HHIP: variants seen among roughly 807,000 people sequenced by gnomAD.
HHIP encodes hedgehog-interacting protein.
In HHIP, 12 loss-of-function variants were observed where a neutral mutation model predicts 74.0. The observed-to-expected ratio is 0.16, with a 90% CI of 0.10 to 0.26. The LOEUF is 0.26. HHIP is among the 10% of genes least tolerant of loss of function. HHIP has a pLI of 1.00. For synonymous variants in HHIP, 309 were observed against 311.6 expected (o/e 0.99, Z 0.09); for missense variants, 788 against 845.0 (o/e 0.93, Z 0.84).
At position 144,646,484 on chromosome 4, in the gene HHIP, C is replaced by T. The variant is rs1350185781; in HGVS notation, c.-192C>T. ...CCTCGGGCTCCCCTAAGGCATTGGA[C>T]CCATCGCCGCGTCTTTTATTTTTTG... is the stretch of plus-strand genomic sequence containing the variant. On this transcript the variant is annotated 5_prime_UTR_variant, in exon 1 of 13. Coordinates refer to ENST00000296575, the MANE Select transcript of HHIP (RefSeq NM_022475.3). 1.7e-6 allele frequency: 1 copy of T among 588,306 alleles called. No individual in the cohort carries two copies. The highest frequency in any genetic ancestry group is 1.9e-5 in the African/African-American group (1 of 53,764). The allele number at this position is 588,306 out of a possible 1,614,324, so 36.4% of individuals were successfully genotyped here.
chr4:144,688,744 A>T (rs1169094351), intron 4 of HHIP, among the ~76,000 whole-genome samples: 1 of 152,198 alleles, frequency 6.6e-6, no homozygotes, highest in African/African-American at 2.4e-5. Flanking sequence ...TGGATAAATG[A>T]GGAAATCCAT....
At chr4:144,712,912 G>A (rs1459440068) in intron 8 of HHIP, among the ~76,000 whole-genome samples, 6 of 147,276 alleles carry the variant, frequency 4.1e-5, no homozygotes, top group African/African-American at 1.0e-4. Context: ...GTGTGTGCAC[G>A]CGCATCTTTT....
intron 1 of HHIP, among the ~76,000 whole-genome samples, chr4:144,649,638 A>C (rs1430879005): frequency 6.6e-6 from 1 of 152,174 alleles, no homozygotes; most frequent in Admixed American, 6.5e-5. Context: ...CAACCAACTG[A>C]AATACCCTCA....
Position 144,739,492 on chromosome 4 carries a change from A to G in HHIP, c.*1535A>G, listed in dbSNP as rs1227313583. 2 of 152,236 alleles carry G rather than the reference A, an allele frequency of 1.3e-5. No homozygotes were observed. The highest frequency in any genetic ancestry group is 2.9e-5 in the Non-Finnish European group (2 of 68,038). The allele number at this position is 152,236 out of a possible 1,614,324, so 9.4% of individuals were successfully genotyped here. On this transcript the variant is annotated 3_prime_UTR_variant, in exon 13 of 13. Coordinates refer to ENST00000296575, the MANE Select transcript of HHIP (RefSeq NM_022475.3). ...AGGAATACAAGCCTCAATTTAAAAA[A>G]TATATTGTAGCTAGTATTTCTCTAT...
intron 1 of HHIP, among the ~76,000 whole-genome samples, chr4:144,648,988 T>C (rs940015351): frequency 6.6e-6 from 1 of 152,160 alleles, no homozygotes; most frequent in Non-Finnish European, 1.5e-5. Context: ...TTACAAGAGG[T>C]TTATAAATCA....
intron 4 of HHIP, among the ~76,000 whole-genome samples, chr4:144,696,275 C>CTT (rs144675558): frequency 1.3e-5 from 2 of 149,196 alleles, no homozygotes; most frequent in African/African-American, 4.9e-5. Flanking sequence ...ATCTGCACCT[C>CTT]TTTTTTTTTT....
At chr4:144,671,587 A>G (rs1248192649) in intron 4 of HHIP, among the ~76,000 whole-genome samples, 1 of 152,222 alleles carries the variant, frequency 6.6e-6, no homozygotes, top group Non-Finnish European at 1.5e-5. Context: ...ATCATGGCAT[A>G]GCCATATCAC....
At chr4:144,718,816 T>C (rs1730544238) in intron 10 of HHIP, 59 bp from the exon 11 acceptor site, 1 of 959,408 alleles carries the variant, frequency 1.0e-6, no homozygotes, top group East Asian at 2.4e-5. Flanking sequence ...TGCCAGGCAA[T>C]AGGAAGTAAG....
chr4:144,682,453 A>T (rs1729373094), intron 4 of HHIP, among the ~76,000 whole-genome samples: 1 of 152,230 alleles, frequency 6.6e-6, no homozygotes, highest in East Asian at 1.9e-4. Flanking sequence ...TATCAAAGTA[A>T]AAGAGTATTT....
At chr4:144,647,111 T>A in intron 1 of HHIP, 157 bp downstream of exon 1, 1 of 625,116 alleles carries the variant, frequency 1.6e-6, no homozygotes, top group South Asian at 2.4e-5. Context: ...TTCCGTTGTG[T>A]GTTCCTCTGG....
At position 144,734,798 on chromosome 4, in the gene HHIP, A is replaced by G; in HGVS notation, c.1818A>G (p.Ser606=). 2 of 1,612,634 alleles carry G rather than the reference A, an allele frequency of 1.2e-6. No individual in the cohort carries two copies. Among genetic ancestry groups the G allele is most frequent in the Non-Finnish European group, 1.7e-6 (2 of 1,178,954 alleles). ...TACAACCTGCACAGACACTGACTTC[A>G]GAGTGCTCCAGGCTCTGTCGAAACG... ...ATVQPAQTLT[S]ECSRLCRNGY... is the part of the protein sequence containing the mutation. The change falls in exon 12 of 13, where the codon TCA becomes TCG. Residue 606 remains serine (S), a synonymous_variant. Transcript: ENST00000296575.
At chr4:144,718,841 T>C (rs1259050005) in intron 10 of HHIP, 34 bp from the exon 11 acceptor site, 2 of 1,335,200 alleles carry the variant, frequency 1.5e-6, no homozygotes, top group Admixed American at 3.4e-5. Flanking sequence ...TCTACTGCTA[T>C]AAATTTGCTT....
Position 144,743,124 on chromosome 4 carries a change from T to G in HHIP, c.*5167T>G, listed in dbSNP as rs1235280888. On this transcript the variant is annotated 3_prime_UTR_variant, in exon 13 of 13. Transcript: ENST00000296575. ...CTTCAATCCTTCTTTCTCTTAACTA[T>G]CTTCTCTGAATAAGTTCTGGACTTC... is the stretch of plus-strand genomic sequence containing the variant. The G allele has an allele frequency of 6.7e-6, 1 of 148,934 alleles. No individual in the cohort carries two copies. The highest frequency in any genetic ancestry group is 2.0e-4 in the East Asian group (1 of 5,128). 9.2% of individuals were successfully genotyped at this position (148,934 alleles called of 1,614,324 possible).
At chr4:144,680,789 A>G (rs1022841212) in intron 4 of HHIP, among the ~76,000 whole-genome samples, 1 of 152,232 alleles carries the variant, frequency 6.6e-6, no homozygotes, top group Non-Finnish European at 1.5e-5. Flanking sequence ...AAAGAGAGAA[A>G]GATAGAAGGA....
rs77881363 is a variant in HHIP at position 144,730,585 on chromosome 4, C to T, written c.1761-4156C>T. Among the ~76,000 whole-genome samples, 736 of 152,148 alleles carry T rather than the reference C, an allele frequency of 4.8e-3. 10 individuals carry two copies. The highest frequency in any genetic ancestry group is 0.017 in the African/African-American group (694 of 41,526). ...TTATTAGATCGTACATTAAAGCACCCAATTTTCCAGTCCAATAAAATTAAG... is the reference window on the plus strand; with the variant it reads ...TTATTAGATCGTACATTAAAGCACCTAATTTTCCAGTCCAATAAAATTAAG... On this transcript the variant is annotated intron_variant, in intron 11 of 12. Transcript: ENST00000296575.
rs1165329418 is a variant in HHIP, at chr4:144,740,057, G to A, written c.*2100G>A. ...TCTAATTGTCCCTTATTCAACGTGG[G>A]TGACATTAACAAAATGTGAACTTCT... On this transcript the variant is annotated 3_prime_UTR_variant, in exon 13 of 13. Transcript: ENST00000296575. The A allele has an allele frequency of 1.3e-5, 2 of 152,082 alleles. No individual in the cohort carries two copies. The highest frequency in any genetic ancestry group is 2.9e-5 in the Non-Finnish European group (2 of 68,018). 9.4% of individuals were successfully genotyped at this position (152,082 alleles called of 1,614,324 possible). A position where few individuals can be genotyped will look rare whatever the true frequency, so the allele number is the denominator to read the frequency against.
At position 144,652,728 on chromosome 4, in the gene HHIP, C is replaced by G. The variant is rs1728456259; in HGVS notation, c.403C>G (p.Leu135Val). ...TGAGAGAGAAGTCTTGGAAAGAGAC[C>G]TAGTACTTCCTCTGCTCTGCAAAGA... The part of the protein sequence containing the change: ...SPEREVLERD[L>V]VLPLLCKDYC... Residue 135 changes from leucine (L) to valine (V), a missense_variant, in exon 2 of 13, where the codon CTA becomes GTA. Leu to Val is a conservative substitution (Grantham distance 32). This residue lies in a region of HHIP where 373 missense variants were observed against 366.4 expected (regional missense o/e 1.02). Transcript: ENST00000296575. 6.2e-7 allele frequency: 1 copy of G among 1,612,728 alleles called. No individual in the cohort carries two copies. The highest frequency in any genetic ancestry group is 1.7e-5 in the Admixed American group (1 of 59,906).
chr4:144,713,854 A>G (rs941865446), intron 8 of HHIP, among the ~76,000 whole-genome samples: 2 of 152,162 alleles, frequency 1.3e-5, no homozygotes, highest in African/African-American at 4.8e-5. Context: ...ATGCAGAAGC[A>G]TTTCTACACA....
At chr4:144,722,708 G>T (rs1000107109) in intron 11 of HHIP, among the ~76,000 whole-genome samples, 2 of 152,086 alleles carry the variant, frequency 1.3e-5, no homozygotes, top group Non-Finnish European at 1.5e-5. Flanking sequence ...CAAAAAATTA[G>T]CTGGGCATGG....
Sources: gnomAD v4.1 joint callset for allele counts (sites outside exome capture counted in the v4.1 genomes callset) on GRCh38, gnomAD v4.1.1 for gene constraint, gnomAD v4.1.1 regional missense constraint, MANE v1.5 for transcripts, NCBI Gene and HGNC (gene_info 2026-07-23, HGNC 2026-07-21) for gene names.